The following DUOX2 variants were observed in gnomAD, a reference collection of about 807,000 sequenced individuals.
DUOX2 encodes the protein NADH/NADPH thyroid oxidase p138-tox.
Under a neutral mutation model 183.3 loss-of-function variants are expected in DUOX2, and 185 were observed. The observed-to-expected ratio is 1.01, with a 90% CI of 0.90 to 1.14. The LOEUF is 1.14. DUOX2 is among the 50% of genes most tolerant of loss of function. The probability of loss-of-function intolerance (pLI) is 0.00; values close to 1 mark genes in which losing one functional copy is unlikely to be tolerated. For missense variants in DUOX2, 1,999 were observed against 2,022.9 expected (o/e 0.99, Z 0.23); for synonymous variants, 788 against 812.4 (o/e 0.97, Z 0.51).
chr15:45,108,992 T>G (rs749354981), intron 11 of DUOX2, 40 bp from the exon 12 acceptor site: 1 of 1,612,580 alleles, frequency 6.2e-7, no homozygotes, highest in Non-Finnish European at 8.5e-7. Flanking sequence ...CTTTGTCCTC[T>G]CCATCCTTTT....
intron 29 of DUOX2, among the ~76,000 whole-genome samples, chr15:45,096,412 A>G (rs1893903254): frequency 1.3e-5 from 2 of 152,106 alleles, no homozygotes; most frequent in African/African-American, 4.8e-5. Context: ...TTTGAGGGTT[A>G]CCTTTCTACA....
Position 45,093,939 on chromosome 15 carries a change from C to T in DUOX2, c.*211G>A, listed in dbSNP as rs1893824694. The T allele has an allele frequency of 6.3e-6, 4 of 631,530 alleles. No homozygotes were observed. Among genetic ancestry groups the T allele is most frequent in the South Asian group, 5.6e-5 (3 of 53,494 alleles). 39.1% of individuals were successfully genotyped at this position (631,530 alleles called of 1,614,324 possible). The stretch of plus-strand genomic sequence containing the variant: ...GATAAACAGGTGGACTTATAATCAT[C>T]ATGCACTGCAATTGTAGAACATAGT... On this transcript the variant is annotated 3_prime_UTR_variant, in exon 34 of 34. Coordinates refer to ENST00000389039, the MANE Select transcript of DUOX2 (RefSeq NM_001363711.2).
rs762624207 is a variant in DUOX2 at position 45,106,851 on chromosome 15, A to G, written c.1812T>C (p.Ala604=). Residue 604 remains alanine, a synonymous_variant, in exon 15 of 34, where the codon GCT becomes GCC. Transcript: ENST00000389039. ...SSPGFAITII[A]LCCLPLVSLL... ...GCTCACCTAAGGGAAGGCAGCAGAG[A>G]GCAATGATGGTGATGGCAAAACCAG... 2.8e-5 allele frequency: 44 copies of G among 1,593,398 alleles called. No homozygotes were observed. Among genetic ancestry groups the G allele is most frequent in the Non-Finnish European group, 3.1e-5 (36 of 1,170,904 alleles).
rs370315886 is a variant in DUOX2, at chr15:45,100,054, A to G, written c.3180T>C (p.Ala1060=). 25 of 1,614,118 alleles carry G rather than the reference A, an allele frequency of 1.5e-5. No homozygotes were observed. The African/African-American group carries it at 3.2e-4, about 21-fold the overall frequency. Residue 1060 remains alanine, a synonymous_variant, in exon 24 of 34, where the codon GCT becomes GCC. Coordinates refer to ENST00000389039, the MANE Select transcript of DUOX2 (RefSeq NM_001363711.2). ...CCCACAGCCTGGAACTCTTACAGTAAGCACGATCTGCAAACACGCCAACAC... is the reference window on the plus strand; with the variant it reads ...CCCACAGCCTGGAACTCTTACAGTAGGCACGATCTGCAAACACGCCAACAC... ...AICVGVFADR[A]YYYGFASPPS...
At chr15:45,098,129 G>A (rs1231905104) in intron 26 of DUOX2, 71 bp from the exon 27 acceptor site, 6 of 1,449,100 alleles carry the variant, frequency 4.1e-6, no homozygotes, top group African/African-American at 1.4e-5. Flanking sequence ...AACACAGCAT[G>A]ACTCCTTTCC....
Position 45,107,431 on chromosome 15 carries a change from C to T in DUOX2, c.1607G>A (p.Arg536Gln), listed in dbSNP as rs777734937. The change falls in exon 14 of 34, where the codon CGA becomes CAA. Residue 536 changes from arginine (R) to glutamine (Q), a missense_variant. Physicochemically the swap from Arg to Gln is conservative, Grantham distance 43. Around this residue, in one of 3 missense-constraint regions of DUOX2, gnomAD observed 1,628 missense variants for 1,608.6 expected, o/e 1.01. Coordinates refer to ENST00000389039, the MANE Select transcript of DUOX2 (RefSeq NM_001363711.2). ...LFSKKEIEDIRNTTLRDVLVA... is the reference protein window; with the variant it reads ...LFSKKEIEDIQNTTLRDVLVA... ...CAGCACGTCCCGCAGGGTGGTATTT[C>T]GGATGTCTTCAATCTCCTTCTTGGA... is the stretch of plus-strand genomic sequence containing the variant. The T allele has an allele frequency of 3.2e-5, 52 of 1,614,058 alleles. No homozygotes were observed. The highest frequency in any genetic ancestry group is 1.2e-4 in the African/African-American group (9 of 74,922).
chr15:45,105,729 T>A lies in DUOX2; in HGVS notation c.2248A>T (p.Ser750Cys). Residue 750 changes from serine to cysteine, a missense_variant, in exon 18 of 34, where the codon AGC becomes TGC. By Grantham distance (112) the Ser-to-Cys change is moderately radical. This residue lies in a region of DUOX2 where 1,628 missense variants were observed against 1,608.6 expected (regional missense o/e 1.01). Coordinates refer to ENST00000389039, the MANE Select transcript of DUOX2 (RefSeq NM_001363711.2). ...WALGLHVAEMSEKELFRKAVT... is the reference protein window; with the variant it reads ...WALGLHVAEMCEKELFRKAVT... The stretch of plus-strand genomic sequence containing the variant: ...GCCTTCCTAAATAGCTCCTTCTCGC[T>A]CATCTCAGCCACATGGAGGCCCAGA... The A allele has an allele frequency of 6.2e-7, 1 of 1,614,222 alleles. No individual in the cohort carries two copies.
At chr15:45,112,900 T>G in intron 3 of DUOX2, 87 bp downstream of exon 3, 1 of 1,558,158 alleles carries the variant, frequency 6.4e-7, no homozygotes, top group East Asian at 2.3e-5. Context: ...TGGGCGCGTG[T>G]TCCCCGCAGA....
Position 45,104,214 on chromosome 15 carries a change from G to A in DUOX2, c.2486C>T (p.Ser829Phe), listed in dbSNP as rs747379855. 71 of 1,614,012 alleles carry A rather than the reference G, an allele frequency of 4.4e-5. No homozygotes were observed. Among genetic ancestry groups the A allele is most frequent in the Non-Finnish European group, 4.6e-5 (54 of 1,180,028 alleles). ...GCCATTGCCATCCTTGTCAGCCAGAGAGAACATGGACTCCACAAACATGTC... is the reference window on the plus strand; with the variant it reads ...GCCATTGCCATCCTTGTCAGCCAGAAAGAACATGGACTCCACAAACATGTC... ...PQDMFVESMF[S>F]LADKDGNGYL... Residue 829 changes from serine (S) to phenylalanine (F), a missense_variant, in exon 19 of 34, where the codon TCT becomes TTT. By Grantham distance (155) the Ser-to-Phe change is radical. This residue lies in a region of DUOX2 where 1,628 missense variants were observed against 1,608.6 expected (regional missense o/e 1.01). Transcript: ENST00000389039.
At chr15:45,098,778 A>C (rs1013986687) in intron 26 of DUOX2, among the ~76,000 whole-genome samples, 1 of 150,376 alleles carries the variant, frequency 6.6e-6, no homozygotes, top group Non-Finnish European at 1.5e-5. Flanking sequence ...ATCATGGCTC[A>C]CTGCAACCTA....
chr15:45,110,001 T>C, intron 9 of DUOX2, 21 bp from the exon 10 acceptor site: 1 of 1,610,414 alleles, frequency 6.2e-7, no homozygotes, highest in Non-Finnish European at 8.5e-7. Flanking sequence ...GAACAAAGGA[T>C]GTGGTGAGGG....
rs768313970 is a variant in DUOX2, at chr15:45,100,049, C to T, written c.3184+1G>A. 1.9e-6 allele frequency: 3 copies of T among 1,614,246 alleles called. No individual in the cohort carries two copies. Among genetic ancestry groups the T allele is most frequent in the East Asian group, 4.5e-5 (2 of 44,880 alleles). On this transcript the variant is annotated splice_donor_variant, in intron 24 of 33. Coordinates refer to ENST00000389039, the MANE Select transcript of DUOX2 (RefSeq NM_001363711.2). LOFTEE classifies it high-confidence loss of function. Reference sequence around the variant, plus strand: ...CACTGCCCACAGCCTGGAACTCTTACAGTAAGCACGATCTGCAAACACGCC... The same window carrying T: ...CACTGCCCACAGCCTGGAACTCTTATAGTAAGCACGATCTGCAAACACGCC...
intron 20 of DUOX2, among the ~76,000 whole-genome samples, chr15:45,103,648 C>T (rs1429641039): frequency 2.0e-5 from 3 of 151,972 alleles, no homozygotes; most frequent in African/African-American, 7.2e-5. Context: ...CACAAAGATC[C>T]AAGGGCATCC....
In DUOX2 at chr15:45,100,831, G is replaced by A; in HGVS notation, c.2929C>T (p.Pro977Ser). ...GGGGCAGGGGGCCCCAGTCCCTGGGGGTGGGAGCTGAGAAAAAGAAATGGG... is the reference window on the plus strand; with the variant it reads ...GGGGCAGGGGGCCCCAGTCCCTGGGAGTGGGAGCTGAGAAAAAGAAATGGG... ...ITRTPGERSH[P>S]QGLGPPAPEA... Residue 977 changes from proline (P) to serine (S), a missense_variant, in exon 23 of 34, where the codon CCC (proline) becomes TCC (serine). This residue lies in a region of DUOX2 where 1,628 missense variants were observed against 1,608.6 expected (regional missense o/e 1.01). Transcript: ENST00000389039. The A allele has an allele frequency of 1.9e-6, 3 of 1,609,942 alleles. No individual in the cohort carries two copies. The South Asian group carries it at 3.3e-5, about 18-fold the overall frequency.
At position 45,099,079 on chromosome 15, in the gene DUOX2, C is replaced by T. The variant is rs993612341; in HGVS notation, c.3515+304G>A. 8.4e-5 allele frequency: 29 copies of T among 345,132 alleles called. No individual in the cohort carries two copies. The Admixed American group carries it at 8.7e-4, about 10-fold the overall frequency. 21.4% of individuals were successfully genotyped at this position (345,132 alleles called of 1,614,324 possible). ...AAGCTGGACTGCAGTGGCGCTATCC[C>T]GGCTCACTGCAAGCTCCGCCTCTTG... On this transcript the variant is annotated intron_variant, in intron 26 of 33. Coordinates refer to ENST00000389039, the MANE Select transcript of DUOX2 (RefSeq NM_001363711.2).
At chr15:45,110,627 G>C (rs752296209) in intron 8 of DUOX2, 23 bp downstream of exon 8, 8 of 1,613,268 alleles carry the variant, frequency 5.0e-6, no homozygotes, top group Non-Finnish European at 6.8e-6. Flanking sequence ...CCGCACAGGT[G>C]TCCTCCTTCC....
chr15:45,097,727 G>A lies in DUOX2; in HGVS notation c.3580C>T (p.Leu1194Phe). Reference sequence around the variant, plus strand: ...ATGATGGCCAGGACCAGGAGCAGAAGCACACCTGTCATACCTGGGGGCAGG... The same window carrying A: ...ATGATGGCCAGGACCAGGAGCAGAAACACACCTGTCATACCTGGGGGCAGG... ...FQTVPGMTGV[L>F]LLLVLAIMYV... Residue 1194 changes from leucine (L) to phenylalanine (F), a missense_variant, in exon 28 of 34, where the codon CTT becomes TTT. By Grantham distance (22) the Leu-to-Phe change is conservative (BLOSUM62 0). Around this residue, in one of 3 missense-constraint regions of DUOX2, gnomAD observed 1,628 missense variants for 1,608.6 expected, o/e 1.01. Transcript: ENST00000389039. The A allele has an allele frequency of 1.2e-6, 2 of 1,614,254 alleles. No individual in the cohort carries two copies. Among genetic ancestry groups the A allele is most frequent in the South Asian group, 2.2e-5 (2 of 91,086 alleles).
intron 6 of DUOX2, 26 bp downstream of exon 6, chr15:45,111,358 G>A (rs1262009730): frequency 2.8e-6 from 4 of 1,428,836 alleles, no homozygotes; most frequent in Non-Finnish European, 3.7e-6. Context: ...CCCCCAGCCG[G>A]CCCCGTCCCG....
rs1894192503 is a variant in DUOX2, at chr15:45,105,715, T to G, written c.2262A>C (p.Leu754=). ...LHVAEMSEKE[L]FRKAVTKQQR... Reference sequence around the variant, plus strand: ...GCTGCTTTGTCACAGCCTTCCTAAATAGCTCCTTCTCGCTCATCTCAGCCA... The same window carrying G: ...GCTGCTTTGTCACAGCCTTCCTAAAGAGCTCCTTCTCGCTCATCTCAGCCA... The change falls in exon 18 of 34, where the codon CTA becomes CTC. Residue 754 remains leucine (L), a synonymous_variant. Coordinates refer to ENST00000389039, the MANE Select transcript of DUOX2 (RefSeq NM_001363711.2). 1 of 1,614,080 alleles carries G rather than the reference T, an allele frequency of 6.2e-7. No individual in the cohort carries two copies. The highest frequency in any genetic ancestry group is 1.1e-5 in the South Asian group (1 of 91,092).
Sources: gnomAD v4.1 joint callset for allele counts (sites outside exome capture counted in the v4.1 genomes callset) on GRCh38, gnomAD v4.1.1 for gene constraint, gnomAD v4.1.1 regional missense constraint, MANE v1.5 for transcripts, NCBI Gene and HGNC (gene_info 2026-07-23, HGNC 2026-07-21) for gene names.